The following CSNK1G2 variants were observed in gnomAD, a reference collection of about 807,000 sequenced individuals.
CSNK1G2 encodes casein kinase I isoform gamma-2.
A neutral mutation model predicts 48.0 loss-of-function variants in CSNK1G2; 11 were observed. The ratio of observed to expected loss-of-function variants is 0.23; its 90% CI spans 0.14 to 0.38. The LOEUF (loss-of-function observed/expected upper bound fraction) is 0.38, where lower values mean the gene tolerates loss of function less well. CSNK1G2 is among the 10% of genes least tolerant of loss of function. CSNK1G2 has a pLI of 1.00. For synonymous variants in CSNK1G2, 337 were observed against 254.1 expected, an observed-to-expected ratio of 1.33 and a Z score of -3.10; for missense variants, 446 against 595.5, an observed-to-expected ratio of 0.75 and a Z score of 2.61.
At chr19:1,952,928 A>G in intron 1 of CSNK1G2, 1 of 449,862 alleles carries the variant, frequency 2.2e-6, no homozygotes. Flanking sequence ...GAGTGGAGGG[A>G]AACCGGGGCG....
chr19:1,951,481 C>G (rs1245807330), intron 1 of CSNK1G2, among the ~76,000 whole-genome samples: 1 of 145,888 alleles, frequency 6.9e-6, no homozygotes, highest in Non-Finnish European at 1.5e-5. Context: ...CTGCCAGATC[C>G]TGAGGCTGGC....
chr19:1,980,406 G>T lies in CSNK1G2; in HGVS notation c.*203G>T. ...ACTTCCTTCATGTAAGACTTTGGCC[G>T]AAATTTCTACACCTGTGTCTAGTCC... On this transcript the variant is annotated 3_prime_UTR_variant, in exon 12 of 12. Transcript: ENST00000255641. 1.5e-6 allele frequency: 1 copy of T among 649,186 alleles called. No individual in the cohort carries two copies. Among genetic ancestry groups the T allele is most frequent in the Non-Finnish European group, 2.7e-6 (1 of 365,976 alleles). The allele number at this position is 649,186 out of a possible 1,614,324, so 40.2% of individuals were successfully genotyped here.
intron 2 of CSNK1G2, among the ~76,000 whole-genome samples, chr19:1,974,487 G>C (rs2015683961): frequency 2.6e-5 from 4 of 151,560 alleles, no homozygotes; most frequent in African/African-American, 9.8e-5. Context: ...CATGACCCTT[G>C]GGGGGTGCAT....
intron 2 of CSNK1G2, among the ~76,000 whole-genome samples, chr19:1,973,686 A>G (rs957769905): frequency 6.6e-6 from 1 of 152,154 alleles, no homozygotes; most frequent in Non-Finnish European, 1.5e-5. Context: ...CAACCCCAGA[A>G]GTCCATGTGG....
chr19:1,962,165 G>A (rs1178380320), intron 1 of CSNK1G2, among the ~76,000 whole-genome samples: 1 of 152,018 alleles, frequency 6.6e-6, no homozygotes, highest in African/African-American at 2.4e-5. Context: ...CCCCGTGTCT[G>A]CTAAAAATAA....
intron 1 of CSNK1G2, among the ~76,000 whole-genome samples, chr19:1,956,674 A>G (rs2015011273): frequency 6.6e-6 from 1 of 152,140 alleles, no homozygotes; most frequent in Non-Finnish European, 1.5e-5. Flanking sequence ...GTCCAGTCCC[A>G]TCTGGGTAGA....
intron 1 of CSNK1G2, among the ~76,000 whole-genome samples, chr19:1,950,600 G>A (rs1395584052): frequency 6.8e-6 from 1 of 146,588 alleles, no homozygotes; most frequent in Non-Finnish European, 1.5e-5. Context: ...CTGGGAGACA[G>A]GAGGGGGTGC....
chr19:1,959,888 C>T (rs12986187), intron 1 of CSNK1G2, among the ~76,000 whole-genome samples: 11,866 of 130,108 alleles, frequency 0.091, 1,872 homozygotes, highest in African/African-American at 0.18. Context: ...CCAGCACCCG[C>T]CCCACCTTTA....
intron 1 of CSNK1G2, among the ~76,000 whole-genome samples, chr19:1,951,302 C>T (rs1442658780): frequency 1.4e-5 from 2 of 144,812 alleles, no homozygotes; most frequent in Non-Finnish European, 3.0e-5. Context: ...ACTCGGGAGG[C>T]TGAGGCAGGA....
chr19:1,976,720 T>TGG (rs1184608686), intron 2 of CSNK1G2, among the ~76,000 whole-genome samples: 1 of 149,412 alleles, frequency 6.7e-6, no homozygotes, highest in Non-Finnish European at 1.5e-5. Context: ...CGGAACAAAG[T>TGG]GGAGGCCTCT....
chr19:1,950,875 T>C (rs996610727), intron 1 of CSNK1G2, among the ~76,000 whole-genome samples: 5 of 145,714 alleles, frequency 3.4e-5, no homozygotes, highest in African/African-American at 5.3e-5. Context: ...GGTTATGGGG[T>C]ATCATGGCGG....
chr19:1,942,262 CCT>C (rs1463158491), intron 1 of CSNK1G2, among the ~76,000 whole-genome samples: 1 of 152,212 alleles, frequency 6.6e-6, no homozygotes, highest in African/African-American at 2.4e-5. Flanking sequence ...CCGCCTGGCT[CCT>C]CTCTCCCAAC....
intron 11 of CSNK1G2, 51 bp downstream of exon 11, chr19:1,980,068 C>T (rs2015928037): frequency 1.3e-6 from 2 of 1,594,984 alleles, no homozygotes; most frequent in East Asian, 4.5e-5. Context: ...CCTGGGTCCC[C>T]ATGGGGGTGG....
At chr19:1,941,998 A>G (rs986424666) in intron 1 of CSNK1G2, among the ~76,000 whole-genome samples, 3 of 146,946 alleles carry the variant, frequency 2.0e-5, no homozygotes, top group African/African-American at 7.5e-5. Context: ...GCCCCTCCCC[A>G]CGCAGCTGTG....
In CSNK1G2 at chr19:1,953,688, G is replaced by GGGA. The variant is rs148960494; in HGVS notation, c.-266+12271_-266+12273dup. Among the ~76,000 whole-genome samples, 1,124 of 152,190 alleles carry GGGA rather than the reference G, an allele frequency of 7.4e-3. 11 individuals are homozygous for GGGA. Among genetic ancestry groups the GGGA allele is most frequent in the African/African-American group, 0.026 (1,067 of 41,520 alleles). ...CATCACCAGGGCGAGGCTGACCTGT[G>GGGA]GGACGGGGTCCCTGCACAGCCTCGC... On this transcript the variant is annotated intron_variant, in intron 1 of 11. Transcript: ENST00000255641.
intron 1 of CSNK1G2, among the ~76,000 whole-genome samples, chr19:1,948,816 G>A (rs1284287018): frequency 1.3e-5 from 2 of 152,244 alleles, no homozygotes; most frequent in Non-Finnish European, 2.9e-5. Context: ...GGTGACCAGA[G>A]GCCTCGGGAG....
At chr19:1,956,345 A>G (rs1303223097) in intron 1 of CSNK1G2, among the ~76,000 whole-genome samples, 4 of 152,336 alleles carry the variant, frequency 2.6e-5, no homozygotes, top group South Asian at 4.1e-4. Context: ...TGCAAAAGCC[A>G]GAACGCATGT....
chr19:1,952,069 G>A (rs2014783045), intron 1 of CSNK1G2, among the ~76,000 whole-genome samples: 2 of 152,182 alleles, frequency 1.3e-5, no homozygotes, highest in Non-Finnish European at 2.9e-5. Context: ...TCCACATAAG[G>A]CCGTGTTCCT....
At chr19:1,977,800 C>G (rs989260529) in intron 2 of CSNK1G2, among the ~76,000 whole-genome samples, 4 of 150,116 alleles carry the variant, frequency 2.7e-5, no homozygotes, top group African/African-American at 9.8e-5. Flanking sequence ...TCTGCGCTTT[C>G]ATGAGACTCA....
Sources: gnomAD v4.1 joint callset for allele counts (sites outside exome capture counted in the v4.1 genomes callset) on GRCh38, gnomAD v4.1.1 for gene constraint, MANE v1.5 for transcripts, NCBI Gene and HGNC (gene_info 2026-07-23, HGNC 2026-07-21) for gene names.